SCD5: variants seen among roughly 807,000 people sequenced by gnomAD.
SCD5 encodes the protein stearoyl-CoA desaturase 5, also known as acyl-CoA-desaturase 4.
A neutral mutation model predicts 30.4 loss-of-function variants in SCD5; 20 were observed. That is an observed-to-expected ratio of 0.66 (90% CI 0.46 to 0.96). SCD5 has a LOEUF of 0.96. SCD5 is among the 40% of genes least tolerant of loss of function. The pLI, the probability that SCD5 is intolerant of heterozygous loss-of-function variation, is 0.00. For missense variants in SCD5, 381 were observed against 443.3 expected (o/e 0.86, Z 1.26); for synonymous variants, 173 against 176.4 (o/e 0.98, Z 0.16).
chr4:82,752,757 T>C (rs1180937102), intron 1 of SCD5, among the ~76,000 whole-genome samples: 4 of 152,160 alleles, frequency 2.6e-5, no homozygotes, highest in Non-Finnish European at 5.9e-5. Flanking sequence ...CTCTTCCCCA[T>C]TCTTCACACA....
intron 1 of SCD5, among the ~76,000 whole-genome samples, chr4:82,786,549 C>T (rs778474537): frequency 2.1e-4 from 32 of 152,048 alleles, no homozygotes; most frequent in Non-Finnish European, 4.1e-4. Context: ...CTTGTAATGC[C>T]AGCACTTTGG....
At chr4:82,694,461 A>G (rs908343505) in intron 2 of SCD5, among the ~76,000 whole-genome samples, 2 of 151,998 alleles carry the variant, frequency 1.3e-5, no homozygotes, top group South Asian at 4.2e-4. Context: ...CCTCAGGAAA[A>G]CTCTTGAGTA....
rs1451757793 is a variant in SCD5, at chr4:82,664,991, CTCTCTCTCTA to C, written c.569+15706_569+15715del. 6.3e-3 allele frequency among the ~76,000 whole-genome samples: 601 copies of C among 96,128 alleles called. 8 individuals are homozygous for C. The highest frequency in any genetic ancestry group is 0.029 in the African/African-American group (561 of 19,642). 63.1% of individuals were successfully genotyped at this position (96,128 alleles called of 152,430 possible). On this transcript the variant is annotated intron_variant, in intron 3 of 4. Transcript: ENST00000319540. The stretch of plus-strand genomic sequence containing the variant: ...TCTCTCTCTCTCTCTCTCTCTCTCT[CTCTCTCTCTA>C]TATATATATATATATATATGTATAA...
chr4:82,760,888 T>C lies in SCD5; in HGVS notation c.232+37418A>G, dbSNP rs182467125. 1.1e-4 allele frequency among the ~76,000 whole-genome samples: 16 copies of C among 152,348 alleles called. No homozygotes were observed. In the East Asian group the frequency reaches 2.7e-3, roughly 26 times the overall value. On this transcript the variant is annotated intron_variant, in intron 1 of 4. Coordinates refer to ENST00000319540, the MANE Select transcript of SCD5 (RefSeq NM_001037582.3). ...CCTGTGCCTGGTTCATTCCTTTTTA[T>C]AACTTCAACACCTAACACAGTGCCC...
intron 1 of SCD5, among the ~76,000 whole-genome samples, chr4:82,783,540 C>T (rs1197392195): frequency 6.6e-6 from 1 of 152,158 alleles, no homozygotes; most frequent in Admixed American, 6.5e-5. Context: ...CGCGGTGGCT[C>T]ACACCTGTAA....
intron 3 of SCD5, among the ~76,000 whole-genome samples, chr4:82,649,761 T>C (rs1727707509): frequency 6.6e-6 from 1 of 151,120 alleles, no homozygotes; most frequent in African/African-American, 2.4e-5. Flanking sequence ...TACACTGGAG[T>C]TGGCCAAGGT....
At position 82,636,593 on chromosome 4, in the gene SCD5, A is replaced by G. The variant is rs751524736; in HGVS notation, c.800T>C (p.Ile267Thr). 5 of 1,612,936 alleles carry G rather than the reference A, an allele frequency of 3.1e-6. No individual in the cohort carries two copies. The highest frequency in any genetic ancestry group is 2.7e-5 in the African/African-American group (2 of 74,894). ...RQNPLVALGA[I>T]GEGFHNYHHT... The stretch of plus-strand genomic sequence containing the variant: ...TGGCCCTCAACACCCCTACTCACCA[A>G]TGGCACCCAGAGCGACGAGTGGGTT... Residue 267 changes from isoleucine to threonine, a missense_variant and splice_region_variant, in exon 4 of 5, where the codon ATT (isoleucine) becomes ACT (threonine). Coordinates refer to ENST00000319540, the MANE Select transcript of SCD5 (RefSeq NM_001037582.3).
Position 82,746,906 on chromosome 4 carries a change from T to A in SCD5, c.233-41493A>T, listed in dbSNP as rs914494547. Among the ~76,000 whole-genome samples, 6 of 151,738 alleles carry A rather than the reference T, an allele frequency of 4.0e-5. 1 individual carries two copies. The highest frequency in any genetic ancestry group is 3.9e-4 in the Admixed American group (6 of 15,220). Reference sequence around the variant, plus strand: ...CCCCTCTGGCCTACCACACCCCCAATCCTGTTGCCATATAAACCCGAGACC... The same window carrying A: ...CCCCTCTGGCCTACCACACCCCCAAACCTGTTGCCATATAAACCCGAGACC... On this transcript the variant is annotated intron_variant, in intron 1 of 4. Transcript: ENST00000319540.
intron 2 of SCD5, among the ~76,000 whole-genome samples, chr4:82,695,311 T>C (rs1332999145): frequency 6.6e-6 from 1 of 151,838 alleles, no homozygotes; most frequent in Non-Finnish European, 1.5e-5. Flanking sequence ...TCTCTCTGGC[T>C]ACAATATAGA....
At chr4:82,761,353 T>C (rs1164951387) in intron 1 of SCD5, among the ~76,000 whole-genome samples, 2 of 152,176 alleles carry the variant, frequency 1.3e-5, no homozygotes, top group African/African-American at 4.8e-5. Flanking sequence ...CTGTCCTGGG[T>C]CCTCTTCCTC....
At chr4:82,648,681 C>G (rs1727681091) in intron 3 of SCD5, among the ~76,000 whole-genome samples, 1 of 152,154 alleles carries the variant, frequency 6.6e-6, no homozygotes, top group African/African-American at 2.4e-5. Flanking sequence ...CTACCCTGAG[C>G]AGCTGTCATT....
In SCD5 at chr4:82,798,321, G is replaced by A. The variant is rs1050642637; in HGVS notation, c.217C>T (p.Leu73Phe). The A allele has an allele frequency of 6.2e-6, 10 of 1,610,778 alleles. No homozygotes were observed. The highest frequency in any genetic ancestry group is 8.5e-6 in the Non-Finnish European group (10 of 1,178,774). Residue 73 changes from leucine to phenylalanine, a missense_variant, in exon 1 of 5, where the codon CTC (leucine) becomes TTC (phenylalanine). By Grantham distance (22) the Leu-to-Phe change is conservative. Coordinates refer to ENST00000319540, the MANE Select transcript of SCD5 (RefSeq NM_001037582.3). ...CGGGACTTACCCCAGAGCAGAGTGA[G>A]TGGCTTGGCTTTGGGGATGAGCACC... ...SLVLIPKAKP[L>F]TLLWAYFCFL...
chr4:82,651,203 A>G (rs1348884708), intron 3 of SCD5, among the ~76,000 whole-genome samples: 1 of 152,224 alleles, frequency 6.6e-6, no homozygotes, highest in Non-Finnish European at 1.5e-5. Flanking sequence ...CCACTGACCA[A>G]GACTCTTTGG....
chr4:82,762,821 T>C (rs1175358215), intron 1 of SCD5, among the ~76,000 whole-genome samples: 1 of 152,182 alleles, frequency 6.6e-6, no homozygotes, highest in Admixed American at 6.5e-5. Flanking sequence ...AAAAAGGATA[T>C]ATCTGAGAGG....
chr4:82,765,324 T>C (rs1401178483), intron 1 of SCD5, among the ~76,000 whole-genome samples: 1 of 152,232 alleles, frequency 6.6e-6, no homozygotes. Context: ...CACTGCCTTC[T>C]GGCTTGCATT....
chr4:82,757,696 T>C (rs1360688379), intron 1 of SCD5, among the ~76,000 whole-genome samples: 1 of 152,212 alleles, frequency 6.6e-6, no homozygotes, highest in African/African-American at 2.4e-5. Flanking sequence ...ATCACTTATC[T>C]TGTAGAGCCT....
At chr4:82,684,888 C>A (rs1179908171) in intron 2 of SCD5, among the ~76,000 whole-genome samples, 1 of 152,170 alleles carries the variant, frequency 6.6e-6, no homozygotes, top group African/African-American at 2.4e-5. Context: ...CATGAACTGA[C>A]TGTCAAGTAT....
At chr4:82,732,275 A>T (rs917227385) in intron 1 of SCD5, among the ~76,000 whole-genome samples, 3 of 152,030 alleles carry the variant, frequency 2.0e-5, no homozygotes, top group South Asian at 2.1e-4. Flanking sequence ...GTATGTTTTT[A>T]GACAGGGTTT....
chr4:82,758,686 G>C (rs16999007), intron 1 of SCD5, among the ~76,000 whole-genome samples: 5 of 152,222 alleles, frequency 3.3e-5, no homozygotes, highest in East Asian at 1.9e-4. Context: ...ATTTTGGTGC[G>C]GGTGAGGGAC....
Sources: gnomAD v4.1 joint callset for allele counts (sites outside exome capture counted in the v4.1 genomes callset) on GRCh38, gnomAD v4.1.1 for gene constraint, MANE v1.5 for transcripts, NCBI Gene and HGNC (gene_info 2026-07-23, HGNC 2026-07-21) for gene names.